Variants in NCAPD3 observed in about 807,000 individuals in gnomAD.
NCAPD3 encodes non-SMC condensin II complex subunit D3.
A neutral mutation model predicts 182.9 loss-of-function variants in NCAPD3; 105 were observed. That is an observed-to-expected ratio of 0.57 (90% confidence interval 0.49 to 0.68). The LOEUF is 0.68. Among genes scored for constraint, NCAPD3 ranks in the 30% least tolerant of loss-of-function variants. The pLI is 0.00. For synonymous variants in NCAPD3, 815 were observed against 679.9 expected (o/e 1.20, Z -3.09); for missense variants, 1,944 against 1,837.0 (o/e 1.06, Z -1.07).
intron 27 of NCAPD3, among the ~76,000 whole-genome samples, chr11:134,163,481 C>T (rs541959897): frequency 6.6e-6 from 1 of 152,092 alleles, no homozygotes; most frequent in East Asian, 1.9e-4. Flanking sequence ...GGGCAGATCA[C>T]GAGATCAGGA....
At chr11:134,183,664 C>T (rs1344247443) in intron 19 of NCAPD3, among the ~76,000 whole-genome samples, 1 of 152,176 alleles carries the variant, frequency 6.6e-6, no homozygotes, top group African/African-American at 2.4e-5. Flanking sequence ...ATCAATAAAA[C>T]AGCTTAAAGA....
At position 134,192,759 on chromosome 11, in the gene NCAPD3, A is replaced by G. The variant is rs936666357; in HGVS notation, c.1975T>C (p.Ser659Pro). ...GCGAGGACCTGGCTGTCGTCCCCAG[A>G]GTGAAAATGACTGTGATGCCGGATG... ...QNIRHHSHFH[S>P]GDDSQVLAWA... Residue 659 changes from serine (S) to proline (P), a missense_variant, in exon 16 of 35, where the codon TCT becomes CCT. Physicochemically the swap from Ser to Pro is moderately conservative, Grantham distance 74. Transcript: ENST00000534548. 2.5e-6 allele frequency: 4 copies of G among 1,614,244 alleles called. No individual in the cohort carries two copies. The highest frequency in any genetic ancestry group is 2.5e-6 in the Non-Finnish European group (3 of 1,180,042).
chr11:134,171,260 A>G (rs557113207), intron 24 of NCAPD3, among the ~76,000 whole-genome samples: 21 of 152,260 alleles, frequency 1.4e-4, no homozygotes, highest in African/African-American at 5.1e-4. Flanking sequence ...ATGGAACACA[A>G]AGGGAAGACC....
intron 1 of NCAPD3, 71 bp from the exon 2 acceptor site, chr11:134,220,797 A>G (rs1938200631): frequency 6.8e-7 from 1 of 1,470,496 alleles, no homozygotes; most frequent in Non-Finnish European, 9.3e-7. Context: ...TTTAGATTCC[A>G]GGTGTGTTCA....
chr11:134,207,485 C>A (rs1234256297), intron 7 of NCAPD3, among the ~76,000 whole-genome samples: 1 of 152,020 alleles, frequency 6.6e-6, no homozygotes, highest in Non-Finnish European at 1.5e-5. Flanking sequence ...CAGTGGCTCA[C>A]GCCTGTAATT....
chr11:134,172,768 G>A (rs1944042076), intron 24 of NCAPD3, among the ~76,000 whole-genome samples: 1 of 152,186 alleles, frequency 6.6e-6, no homozygotes, highest in African/African-American at 2.4e-5. Context: ...AGGCCGGGGT[G>A]GTGGCTCACG....
chr11:134,203,578 A>C, intron 11 of NCAPD3, 76 bp downstream of exon 11: 1 of 1,550,436 alleles, frequency 6.4e-7, no homozygotes, highest in East Asian at 2.3e-5. Flanking sequence ...TTGCCACAGA[A>C]AAGAACGATT....
At chr11:134,173,859 G>A (rs1944086303) in intron 24 of NCAPD3, among the ~76,000 whole-genome samples, 1 of 151,932 alleles carries the variant, frequency 6.6e-6, no homozygotes, top group South Asian at 2.1e-4. Context: ...TACTCGGGAG[G>A]CTGAGGCAGG....
At chr11:134,159,827 C>T (rs573324670) in intron 29 of NCAPD3, 65 bp downstream of exon 29, 75 of 1,508,896 alleles carry the variant, frequency 5.0e-5, no homozygotes, top group East Asian at 2.8e-4. Flanking sequence ...GCCAGACAAA[C>T]GACAGACTGG....
intron 24 of NCAPD3, among the ~76,000 whole-genome samples, chr11:134,170,483 T>C (rs1943980844): frequency 6.6e-6 from 1 of 152,280 alleles, no homozygotes; most frequent in South Asian, 2.1e-4. Flanking sequence ...TTCTGTGGTA[T>C]TTTATTATAG....
In NCAPD3 at chr11:134,182,190, G is replaced by A. The variant is rs1236332827; in HGVS notation, c.2452-1006C>T. ...TTTCGGTATCACAGAATCTGGGAAA[G>A]CTGACAAGGCCACCCAATCCTGGCA... On this transcript the variant is annotated intron_variant, in intron 19 of 34. Transcript: ENST00000534548. Among the ~76,000 whole-genome samples, 4 of 152,292 alleles carry A rather than the reference G, an allele frequency of 2.6e-5. No homozygotes were observed. In the East Asian group the frequency reaches 5.8e-4, roughly 22 times the overall value.
At chr11:134,153,610 A>G (rs1943327760) in intron 32 of NCAPD3, 4 of 550,544 alleles carry the variant, frequency 7.3e-6, no homozygotes, top group Non-Finnish European at 1.3e-5. Flanking sequence ...CCTGGGCCTC[A>G]CTGTTCACGC....
chr11:134,206,315 A>G (rs1937615366), intron 8 of NCAPD3, among the ~76,000 whole-genome samples: 1 of 152,218 alleles, frequency 6.6e-6, no homozygotes, highest in South Asian at 2.1e-4. Context: ...AGAGGCCACC[A>G]TCCTCTCTCT....
intron 13 of NCAPD3, among the ~76,000 whole-genome samples, chr11:134,195,862 TG>T (rs1944616781): frequency 6.6e-6 from 1 of 152,184 alleles, no homozygotes; most frequent in South Asian, 2.1e-4. Context: ...TGATAAGTCA[TG>T]GGACCACTGG....
chr11:134,177,882 C>CCTTT (rs35739849), intron 22 of NCAPD3: 22,958 of 153,286 alleles, frequency 0.15, 2,051 homozygotes, highest in African/African-American at 0.24. Context: ...ATGCATGTCC[C>CCTTT]CTTTCTTTCT....
rs187477547 is a variant in NCAPD3 at position 134,205,959 on chromosome 11, T to C, written c.1016+640A>G. Among the ~76,000 whole-genome samples, 8 of 151,128 alleles carry C rather than the reference T, an allele frequency of 5.3e-5. No individual in the cohort carries two copies. The South Asian group carries it at 1.0e-3, about 20-fold the overall frequency. On this transcript the variant is annotated intron_variant, in intron 8 of 34. Coordinates refer to ENST00000534548, the MANE Select transcript of NCAPD3 (RefSeq NM_015261.3). ...TGCACACACTTGCACATGCACACCA[T>C]GTCTCGGCACCACCTCCACACTGCA...
At chr11:134,161,341 TGGCAGCTCCGAA>T (rs1234248947) in intron 28 of NCAPD3, among the ~76,000 whole-genome samples, 1 of 152,176 alleles carries the variant, frequency 6.6e-6, no homozygotes. Context: ...AGCCTGGTGA[TGGCAGCTCCGAA>T]GGCAGCTCCT....
chr11:134,184,486 T>G, intron 19 of NCAPD3, 151 bp downstream of exon 19: 2 of 583,962 alleles, frequency 3.4e-6, no homozygotes, highest in Non-Finnish European at 6.0e-6. Context: ...TTGCTAGTTA[T>G]GTAAACCTTG....
At chr11:134,181,737 C>T (rs1393510412) in intron 19 of NCAPD3, among the ~76,000 whole-genome samples, 2 of 152,194 alleles carry the variant, frequency 1.3e-5, no homozygotes, top group East Asian at 1.9e-4. Context: ...AGCTCCCAAC[C>T]ACATTCTAGA....
Sources: gnomAD v4.1 joint callset for allele counts (sites outside exome capture counted in the v4.1 genomes callset) on GRCh38, gnomAD v4.1.1 for gene constraint, MANE v1.5 for transcripts, NCBI Gene and HGNC (gene_info 2026-07-23, HGNC 2026-07-21) for gene names.